NKAIN2: variants seen among roughly 807,000 people sequenced by gnomAD.
NKAIN2 encodes the protein sodium/potassium-transporting ATPase subunit beta-1-interacting protein 2.
In NKAIN2, 14 loss-of-function variants were observed where a neutral mutation model predicts 32.6. That is an observed-to-expected ratio of 0.43 (90% CI 0.28 to 0.67). The LOEUF (loss-of-function observed/expected upper bound fraction) is 0.67, where lower values mean the gene tolerates loss of function less well. Ranked by LOEUF, NKAIN2 falls within the 30% of genes least tolerant of loss-of-function variation. The pLI, the probability that NKAIN2 is intolerant of heterozygous loss-of-function variation, is 0.17. For missense variants in NKAIN2, 198 were observed against 258.3 expected (o/e 0.77, Z 1.60); for synonymous variants, 80 against 87.2 (o/e 0.92, Z 0.46).
chr6:124,296,147 A>T (rs991816425), intron 2 of NKAIN2, among the ~76,000 whole-genome samples: 1 of 152,048 alleles, frequency 6.6e-6, no homozygotes, highest in Non-Finnish European at 1.5e-5. Flanking sequence ...AAATTTCTTC[A>T]TGGTTAAGCC....
In NKAIN2 at chr6:124,320,435, A is replaced by T. The variant is rs546546230; in HGVS notation, c.193-34832A>T. On this transcript the variant is annotated intron_variant, in intron 2 of 6. Transcript: ENST00000368417. ...GAATAATGACATTTTGCAACACTCC[A>T]AGAGTTCTGAAGGATAAGGTTTATA... Among the ~76,000 whole-genome samples the T allele has an allele frequency of 2.0e-5, 3 of 152,288 alleles. No individual in the cohort carries two copies. The East Asian group carries it at 5.8e-4, about 29-fold the overall frequency.
chr6:124,345,030 T>G (rs1798334171), intron 2 of NKAIN2, among the ~76,000 whole-genome samples: 1 of 152,056 alleles, frequency 6.6e-6, no homozygotes, highest in Non-Finnish European at 1.5e-5. Flanking sequence ...TTATTGAGAG[T>G]TTTTAGCATG....
intron 4 of NKAIN2, among the ~76,000 whole-genome samples, chr6:124,744,959 CA>C (rs1777382414): frequency 6.6e-6 from 1 of 151,756 alleles, no homozygotes; most frequent in Non-Finnish European, 1.5e-5. Context: ...CAGTAAAGGG[CA>C]AATGTCTCAC....
chr6:124,361,164 A>G (rs1799272338), intron 3 of NKAIN2, among the ~76,000 whole-genome samples: 1 of 152,124 alleles, frequency 6.6e-6, no homozygotes, highest in Non-Finnish European at 1.5e-5. Context: ...ATGGTGATTA[A>G]TCTATTCATT....
intron 5 of NKAIN2, among the ~76,000 whole-genome samples, chr6:124,811,552 C>T (rs1780905362): frequency 6.6e-6 from 1 of 152,048 alleles, no homozygotes; most frequent in Non-Finnish European, 1.5e-5. Context: ...ATTAATGTTA[C>T]TAAATCATAG....
intron 2 of NKAIN2, among the ~76,000 whole-genome samples, chr6:124,316,985 G>A (rs945400547): frequency 2.0e-5 from 3 of 152,042 alleles, no homozygotes; most frequent in African/African-American, 7.2e-5. Flanking sequence ...CAGTCCATTA[G>A]GAGTGGGACT....
chr6:124,763,372 TCAGATAACTG>T (rs1168688752), intron 4 of NKAIN2, among the ~76,000 whole-genome samples: 4 of 152,200 alleles, frequency 2.6e-5, no homozygotes, highest in African/African-American at 7.2e-5. Context: ...TGGGGAGGCC[TCAGATAACTG>T]CCAGTCATGG....
intron 4 of NKAIN2, among the ~76,000 whole-genome samples, chr6:124,759,630 CA>C (rs1778145597): frequency 2.8e-5 from 4 of 140,754 alleles, no homozygotes; most frequent in Admixed American, 7.2e-5. Flanking sequence ...CACACACACA[CA>C]CACACACACA....
chr6:124,584,655 G>GAAAAAAAAAAAAA (rs34014858), intron 3 of NKAIN2, among the ~76,000 whole-genome samples: 1 of 87,220 alleles, frequency 1.1e-5, no homozygotes. Context: ...CTCCATCTCA[G>GAAAAAAAAAAAAA]AAAAAAAAAA....
chr6:124,340,375 C>T (rs546753626), intron 2 of NKAIN2, among the ~76,000 whole-genome samples: 1 of 152,086 alleles, frequency 6.6e-6, no homozygotes, highest in South Asian at 2.1e-4. Context: ...TAGGCCTTTT[C>T]TTTTTTTAGC....
intron 4 of NKAIN2, among the ~76,000 whole-genome samples, chr6:124,716,952 G>T (rs1212001851): frequency 6.6e-6 from 1 of 152,160 alleles, no homozygotes; most frequent in African/African-American, 2.4e-5. Flanking sequence ...CTACAACAAT[G>T]TCTAGCATAA....
intron 1 of NKAIN2, among the ~76,000 whole-genome samples, chr6:124,030,480 C>T (rs764891202): frequency 1.3e-4 from 20 of 152,142 alleles, no homozygotes; most frequent in Non-Finnish European, 2.8e-4. Flanking sequence ...TTTATTCTTA[C>T]TCAGTGGTTC....
chr6:124,038,379 T>A (rs565811970), intron 1 of NKAIN2, among the ~76,000 whole-genome samples: 29 of 152,048 alleles, frequency 1.9e-4, no homozygotes, highest in African/African-American at 7.0e-4. Context: ...CAGGCCCGGA[T>A]AATTTCTGTA....
At chr6:124,396,999 T>C (rs1254532792) in intron 3 of NKAIN2, among the ~76,000 whole-genome samples, 1 of 152,122 alleles carries the variant, frequency 6.6e-6, no homozygotes, top group Non-Finnish European at 1.5e-5. Context: ...ATGATTTTAC[T>C]TTTTTATCTG....
chr6:123,902,030 A>G (rs150941305), intron 1 of NKAIN2, among the ~76,000 whole-genome samples: 2,037 of 152,314 alleles, frequency 0.013, 21 homozygotes, highest in Admixed American at 0.023. Context: ...ATAATGCAGA[A>G]TAATCTGTCT....
intron 1 of NKAIN2, among the ~76,000 whole-genome samples, chr6:124,117,491 T>C (rs1785670105): frequency 2.0e-5 from 3 of 152,184 alleles, no homozygotes; most frequent in Admixed American, 1.3e-4. Context: ...TAATTCCATA[T>C]TGGCATCATG....
intron 3 of NKAIN2, among the ~76,000 whole-genome samples, chr6:124,402,654 A>G: frequency 6.6e-6 from 1 of 152,242 alleles, no homozygotes; most frequent in East Asian, 1.9e-4. Flanking sequence ...CTTTGCAGCA[A>G]CATGGATGAA....
intron 1 of NKAIN2, among the ~76,000 whole-genome samples, chr6:124,076,898 A>G (rs1203984324): frequency 2.6e-5 from 4 of 152,172 alleles, no homozygotes; most frequent in African/African-American, 9.7e-5. Flanking sequence ...TCCATTGTAA[A>G]TGGGCAATTA....
intron 2 of NKAIN2, among the ~76,000 whole-genome samples, chr6:124,343,442 C>A (rs1310838954): frequency 9.9e-5 from 15 of 151,222 alleles, no homozygotes; most frequent in Non-Finnish European, 1.6e-4. Flanking sequence ...TTTACAGTCC[C>A]ACCAACTGTG....
Sources: gnomAD v4.1 joint callset for allele counts (sites outside exome capture counted in the v4.1 genomes callset) on GRCh38, gnomAD v4.1.1 for gene constraint, MANE v1.5 for transcripts, NCBI Gene and HGNC (gene_info 2026-07-23, HGNC 2026-07-21) for gene names.